Variants in IL7 observed in about 807,000 individuals in gnomAD.
IL7 encodes the protein interleukin-7.
IL7 carries 3 observed loss-of-function variants against 21.6 expected under a neutral mutation model. The ratio of observed to expected loss-of-function variants is 0.14; its 90% CI spans 0.06 to 0.36. The LOEUF (loss-of-function observed/expected upper bound fraction) is 0.36. IL7 is among the 10% of genes least tolerant of loss of function. The pLI, the probability that IL7 is intolerant of heterozygous loss-of-function variation, is 1.00. For missense variants in IL7, 175 were observed against 200.2 expected (o/e 0.87, Z 0.76); for synonymous variants, 62 against 68.1 (o/e 0.91, Z 0.44).
chr8:78,688,845 T>C (rs552860710), intron 3 of IL7, among the ~76,000 whole-genome samples: 1 of 152,266 alleles, frequency 6.6e-6, no homozygotes, highest in Admixed American at 6.5e-5. Context: ...TTTAACGTCA[T>C]GTATTATTAC....
At chr8:78,677,099 A>G (rs1251646013) in intron 4 of IL7, among the ~76,000 whole-genome samples, 4 of 152,270 alleles carry the variant, frequency 2.6e-5, no homozygotes, top group African/African-American at 9.6e-5. Context: ...AAAGCCTAAG[A>G]GGCTGCAAGA....
intron 2 of IL7, among the ~76,000 whole-genome samples, chr8:78,773,337 G>A (rs914961036): frequency 6.6e-6 from 1 of 152,102 alleles, no homozygotes; most frequent in Admixed American, 6.6e-5. Context: ...CACAGACAGT[G>A]GTCCAGGGCC....
intron 2 of IL7, among the ~76,000 whole-genome samples, chr8:78,748,753 TG>T (rs1812065713): frequency 6.6e-6 from 1 of 152,182 alleles, no homozygotes; most frequent in African/African-American, 2.4e-5. Context: ...GCCAAGAGAA[TG>T]GATTGTTTTG....
chr8:78,788,898 C>T (rs977670495), intron 2 of IL7, among the ~76,000 whole-genome samples: 1 of 152,094 alleles, frequency 6.6e-6, no homozygotes, highest in Non-Finnish European at 1.5e-5. Context: ...GAGTTTGATG[C>T]TGTTTTTAGA....
At chr8:78,724,879 T>C (rs1391205105) in intron 3 of IL7, among the ~76,000 whole-genome samples, 2 of 152,036 alleles carry the variant, frequency 1.3e-5, no homozygotes, top group African/African-American at 4.8e-5. Flanking sequence ...AGAGGTCTTA[T>C]CGTTTATTGG....
At chr8:78,695,721 A>G (rs1810378991) in intron 3 of IL7, among the ~76,000 whole-genome samples, 1 of 152,242 alleles carries the variant, frequency 6.6e-6, no homozygotes, top group South Asian at 2.1e-4. Flanking sequence ...TTAAAAAATC[A>G]GTATCATTAT....
chr8:78,678,596 A>C (rs771464722), intron 4 of IL7: 3 of 1,612,280 alleles, frequency 1.9e-6, no homozygotes, highest in Non-Finnish European at 2.5e-6. Flanking sequence ...GAAGACTGCA[A>C]CTAAAAAACG....
chr8:78,707,557 T>G lies in IL7; in HGVS notation n.214+13791A>C, dbSNP rs189934680. Among the ~76,000 whole-genome samples the G allele has an allele frequency of 4.6e-4, 70 of 152,316 alleles. 1 individual carries two copies. The highest frequency in any genetic ancestry group is 1.6e-3 in the African/African-American group (67 of 41,566). On this transcript the variant is annotated intron_variant and non_coding_transcript_variant, in intron 3 of 4. Coordinates refer to the IL7 transcript ENST00000523959. ...ATATGCTTTTGCTAACAAGCAGAGA[T>G]TTTGAGTACAATAATTTTGTCAGTT...
At chr8:78,719,855 A>T (rs932971578) in intron 5 of IL7, 1 of 151,864 alleles carries the variant, frequency 6.6e-6, no homozygotes, top group African/African-American at 2.4e-5. Context: ...AGTCAAAAAT[A>T]ACAGATTTTT....
intron 3 of IL7, chr8:78,721,452 A>G (rs993947205): frequency 3.3e-5 from 5 of 152,028 alleles, no homozygotes; most frequent in African/African-American, 1.2e-4. Context: ...TGAGGAAAAG[A>G]GATGTTGAGT....
At chr8:78,780,752 T>G (rs1175196060) in intron 2 of IL7, among the ~76,000 whole-genome samples, 2 of 152,212 alleles carry the variant, frequency 1.3e-5, no homozygotes, top group Non-Finnish European at 2.9e-5. Flanking sequence ...CAGGTCCACT[T>G]GATCCAGAGC....
At chr8:78,750,968 A>G (rs1812147795) in intron 2 of IL7, among the ~76,000 whole-genome samples, 1 of 152,180 alleles carries the variant, frequency 6.6e-6, no homozygotes, top group Non-Finnish European at 1.5e-5. Flanking sequence ...AATGATAAAG[A>G]TCAAAAACAG....
intron 3 of IL7, among the ~76,000 whole-genome samples, chr8:78,724,709 A>G (rs1208117174): frequency 6.6e-6 from 1 of 152,084 alleles, no homozygotes; most frequent in African/African-American, 2.4e-5. Flanking sequence ...CGCCATTTGA[A>G]TAAGCAACTT....
At chr8:78,761,652 C>T in intron 2 of IL7, 2 of 1,612,030 alleles carry the variant, frequency 1.2e-6, no homozygotes, top group Non-Finnish European at 1.7e-6. Flanking sequence ...ATGGAAAAGA[C>T]GTGTGAGTCT....
At chr8:78,775,306 A>G (rs1813096118) in intron 2 of IL7, among the ~76,000 whole-genome samples, 1 of 152,072 alleles carries the variant, frequency 6.6e-6, no homozygotes, top group South Asian at 2.1e-4. Context: ...CGGCATATTC[A>G]CCTGTACTTG....
At position 78,733,589 on chromosome 8, in the gene IL7, C is replaced by A; in HGVS notation, c.*124G>T. The A allele has an allele frequency of 4.2e-6, 4 of 954,712 alleles. No individual in the cohort carries two copies. The highest frequency in any genetic ancestry group is 1.7e-5 in the African/African-American group (1 of 57,938). The allele number at this position is 954,712 out of a possible 1,614,324, so 59.1% of individuals were successfully genotyped here. Reference sequence around the variant, plus strand: ...TATGCATTTCTCAAATGCCCTAATCCGTTTTGACCATGGTGCATTCAGTAA... The same window carrying A: ...TATGCATTTCTCAAATGCCCTAATCAGTTTTGACCATGGTGCATTCAGTAA... On this transcript the variant is annotated 3_prime_UTR_variant, in exon 6 of 6. Coordinates refer to ENST00000263851, the MANE Select transcript of IL7 (RefSeq NM_000880.4).
intron 1 of IL7, among the ~76,000 whole-genome samples, chr8:78,799,236 C>T (rs546456441): frequency 9.9e-5 from 15 of 152,226 alleles, no homozygotes; most frequent in African/African-American, 3.6e-4. Context: ...AGAGTACAAG[C>T]AACACTCCTT....
At chr8:78,729,131 C>A (rs1811380555), downstream of IL7, among the ~76,000 whole-genome samples, 1 of 151,758 alleles carries the variant, frequency 6.6e-6, no homozygotes, top group Non-Finnish European at 1.5e-5. Context: ...AATTTGAGAC[C>A]AATAAAATAT....
intron 4 of IL7, chr8:78,678,594 C>T: frequency 1.9e-6 from 3 of 1,611,498 alleles, no homozygotes; most frequent in Non-Finnish European, 1.7e-6. Flanking sequence ...CAGAAGACTG[C>T]AACTAAAAAA....
Sources: allele counts gnomAD v4.1 joint callset (sites outside exome capture counted in the v4.1 genomes callset), GRCh38; gene constraint gnomAD v4.1.1; transcripts MANE v1.5; gene names NCBI Gene and HGNC (gene_info 2026-07-23, HGNC 2026-07-21).